DMBT1: variants seen among roughly 807,000 people sequenced by gnomAD.
DMBT1 encodes the protein scavenger receptor cysteine-rich domain-containing protein DMBT1.
In DMBT1, 198 loss-of-function variants were observed where a neutral mutation model predicts 252.9. That is an observed-to-expected ratio of 0.78 (90% CI 0.70 to 0.88). The LOEUF (loss-of-function observed/expected upper bound fraction) is 0.88. Among genes scored for constraint, DMBT1 ranks in the 40% least tolerant of loss-of-function variants. DMBT1 has a pLI of 0.00. For missense variants in DMBT1, 2,432 were observed against 2,404.7 expected, an observed-to-expected ratio of 1.01 and a Z score of -0.24; for synonymous variants, 990 against 942.7, an observed-to-expected ratio of 1.05 and a Z score of -0.92.
chr10:122,565,849 A>G (rs912756446), intron 1 of DMBT1, 118 bp from the exon 2 acceptor site: 39 of 965,164 alleles, frequency 4.0e-5, no homozygotes, highest in Admixed American at 6.0e-5. Context: ...ACACAAACCC[A>G]AGATTGAGCC....
chr10:122,619,997 A>G (rs1248372928), intron 42 of DMBT1, among the ~76,000 whole-genome samples: 1 of 152,154 alleles, frequency 6.6e-6, no homozygotes. Flanking sequence ...GTGTCACTGG[A>G]TGGGGCAGGC....
At chr10:122,588,294 A>G (rs1186920071) in intron 16 of DMBT1, among the ~76,000 whole-genome samples, 1 of 146,970 alleles carries the variant, frequency 6.8e-6, no homozygotes, top group Admixed American at 6.8e-5. Flanking sequence ...GAGTGGGAGG[A>G]AGTTGGAGTC....
intron 8 of DMBT1, 141 bp from the exon 9 acceptor site, chr10:122,578,576 TG>T: frequency 1.4e-6 from 1 of 711,892 alleles, no homozygotes; most frequent in South Asian, 1.7e-5. Flanking sequence ...GCAGGAGACC[TG>T]GGCAGACACA....
rs937530821 is a variant in DMBT1, at chr10:122,598,122, C to G, written c.2956+110C>G. The G allele has an allele frequency of 2.0e-6, 3 of 1,511,098 alleles. No homozygotes were observed. In the African/African-American group the frequency reaches 4.1e-5, roughly 21 times the overall value. The allele number at this position is 1,511,098 out of a possible 1,614,324, so 93.6% of individuals were successfully genotyped here. On this transcript the variant is annotated intron_variant, in intron 25 of 55. Transcript: ENST00000338354. ...AGGTGGGCCCCTCTCTTTTTCATGTCCCTGTGGGTTGCATGGGAGGAAGGT... is the reference window on the plus strand; with the variant it reads ...AGGTGGGCCCCTCTCTTTTTCATGTGCCTGTGGGTTGCATGGGAGGAAGGT...
At chr10:122,587,600 G>A (rs1385143445) in intron 16 of DMBT1, among the ~76,000 whole-genome samples, 1 of 148,328 alleles carries the variant, frequency 6.7e-6, no homozygotes, top group African/African-American at 2.4e-5. Flanking sequence ...GCAAGGGAGT[G>A]GGTTGGTTTT....
chr10:122,634,409 CTT>C (rs60527329), intron 52 of DMBT1, among the ~76,000 whole-genome samples: 3 of 118,830 alleles, frequency 2.5e-5, no homozygotes, highest in East Asian at 2.3e-4. Flanking sequence ...TCTTTTCTTT[CTT>C]TCTCTCTCTC....
intron 14 of DMBT1, 58 bp from the exon 15 acceptor site, chr10:122,585,213 T>G: frequency 6.4e-7 from 1 of 1,567,604 alleles, no homozygotes; most frequent in South Asian, 1.2e-5. Flanking sequence ...AGACTTTTCC[T>G]TTTGGAGATT....
At chr10:122,621,007 C>A (rs1305551606) in intron 43 of DMBT1, 50 bp from the exon 44 acceptor site, 2 of 1,609,094 alleles carry the variant, frequency 1.2e-6, no homozygotes, top group Non-Finnish European at 1.7e-6. Flanking sequence ...TTCCTTAAAT[C>A]CTTGACCTCA....
chr10:122,587,376 G>C (rs1427297339), intron 16 of DMBT1, among the ~76,000 whole-genome samples: 1 of 148,718 alleles, frequency 6.7e-6, no homozygotes, highest in Non-Finnish European at 1.5e-5. Flanking sequence ...CCTGGGTTTT[G>C]GGGGTGTGAG....
At position 122,640,454 on chromosome 10, in the gene DMBT1, G is replaced by A. The variant is rs1844314823; in HGVS notation, c.7352+5G>A. ...TTATGATCTAATCCGGAGTGGGTAA[G>A]GAGTGTCTTTATGCGATGGCCTTAA... On this transcript the variant is annotated splice_donor_5th_base_variant and intron_variant, in intron 55 of 55. Transcript: ENST00000338354. 1 of 1,608,772 alleles carries A rather than the reference G, an allele frequency of 6.2e-7. No homozygotes were observed. The highest frequency in any genetic ancestry group is 8.5e-7 in the Non-Finnish European group (1 of 1,177,240).
At chr10:122,567,798 G>A (rs2097612135) in intron 2 of DMBT1, among the ~76,000 whole-genome samples, 1 of 152,222 alleles carries the variant, frequency 6.6e-6, no homozygotes, top group African/African-American at 2.4e-5. Context: ...TCCCAGGAGA[G>A]GAGGCTGGAA....
chr10:122,586,450 T>C lies in DMBT1; in HGVS notation c.1783+67T>C. On this transcript the variant is annotated intron_variant, in intron 16 of 55. Coordinates refer to ENST00000338354, the MANE Select transcript of DMBT1 (RefSeq NM_001377530.1). ...TTTGCTCAGGAAGGTTTTATTATGT[T>C]CTAATCTCCTCACTTAGAGCTTTTT... 10 of 1,559,252 alleles carry C rather than the reference T, an allele frequency of 6.4e-6. 1 individual carries two copies. Among genetic ancestry groups the C allele is most frequent in the Admixed American group, 1.8e-5 (1 of 55,982 alleles).
In DMBT1 at chr10:122,620,278, G is replaced by T. The variant is rs2277247; in HGVS notation, c.5271G>T (p.Pro1757=). The part of the protein sequence containing the change: ...RPDTWLTTNL[P]ALTVGSESSL... ...ATACTTGGCTGACCACCAACTTACC[G>T]GCATTGACAGTAGGTAAATAATCCT... Residue 1757 remains proline (P), a synonymous_variant, in exon 43 of 56, where the codon CCG becomes CCT. Transcript: ENST00000338354. 6.2e-7 allele frequency: 1 copy of T among 1,613,842 alleles called. No individual in the cohort carries two copies. Among genetic ancestry groups the T allele is most frequent in the Non-Finnish European group, 8.5e-7 (1 of 1,179,858 alleles).
At chr10:122,573,189 T>C (rs3116707) in intron 5 of DMBT1, among the ~76,000 whole-genome samples, 104,561 of 152,156 alleles carry the variant, frequency 0.69, 36,143 homozygotes, top group East Asian at 0.78. Flanking sequence ...CTGGGGTGTG[T>C]CCTTGGTAAT....
chr10:122,620,422 T>C (rs2098053704), intron 43 of DMBT1, 131 bp downstream of exon 43: 3 of 1,093,472 alleles, frequency 2.7e-6, no homozygotes, highest in Non-Finnish European at 4.1e-6. Context: ...CCTGGGGAGG[T>C]AGACTCCCTG....
intron 55 of DMBT1, 125 bp from the exon 56 acceptor site, chr10:122,642,997 A>C: frequency 1.6e-6 from 2 of 1,281,792 alleles, no homozygotes; most frequent in Non-Finnish European, 2.2e-6. Context: ...TGACAGAAGG[A>C]AGGTGAGGTG....
In DMBT1 at chr10:122,636,079, G is replaced by A. The variant is rs1418390448; in HGVS notation, c.6637G>A (p.Ala2213Thr). ...TCTCATTGCTCGAGTTTGTGATGGG[G>A]CCAGAGGCTCCTTCACTTCTTCCTC... Reference protein sequence around the residue: ...SPLIARVCDGARGSFTSSSNF... With the variant: ...SPLIARVCDGTRGSFTSSSNF... Residue 2213 changes from alanine to threonine, a missense_variant, in exon 53 of 56, where the codon GCC (alanine) becomes ACC (threonine). Ala to Thr is a moderately conservative substitution (Grantham distance 58). Around this residue, in one of 3 missense-constraint regions of DMBT1, gnomAD observed 1,162 missense variants for 1,169.0 expected, o/e 0.99. Coordinates refer to ENST00000338354, the MANE Select transcript of DMBT1 (RefSeq NM_001377530.1). 1 of 1,613,954 alleles carries A rather than the reference G, an allele frequency of 6.2e-7. No individual in the cohort carries two copies. Among genetic ancestry groups the A allele is most frequent in the Admixed American group, 1.7e-5 (1 of 60,016 alleles).
chr10:122,626,378 A>T (rs1020326409), intron 46 of DMBT1, among the ~76,000 whole-genome samples: 1 of 152,206 alleles, frequency 6.6e-6, no homozygotes, highest in Admixed American at 6.5e-5. Flanking sequence ...ATTGTATTCT[A>T]TTATACAGAT....
At position 122,627,520 on chromosome 10, in the gene DMBT1, G is replaced by GTATA. The variant is rs2098126906; in HGVS notation, c.5668+1556_5668+1559dup. 3.3e-5 allele frequency among the ~76,000 whole-genome samples: 5 copies of GTATA among 152,156 alleles called. No individual in the cohort carries two copies. In the South Asian group the frequency reaches 1.0e-3, roughly 32 times the overall value. ...TTTAATGACTATATGATTTTCCACT[G>GTATA]TATAGATATATCATCATTTAGTTAA... On this transcript the variant is annotated intron_variant, in intron 46 of 55. Transcript: ENST00000338354.
Sources: gnomAD v4.1 joint callset for allele counts (sites outside exome capture counted in the v4.1 genomes callset) on GRCh38, gnomAD v4.1.1 for gene constraint, gnomAD v4.1.1 regional missense constraint, MANE v1.5 for transcripts, NCBI Gene and HGNC (gene_info 2026-07-23, HGNC 2026-07-21) for gene names.